The following RAD51B variants were observed in gnomAD, a reference collection of about 807,000 sequenced individuals.
RAD51B encodes the protein DNA repair protein RAD51 homolog 2.
Under a neutral mutation model 42.2 loss-of-function variants are expected in RAD51B, and 38 were observed. That is an observed-to-expected ratio of 0.90 (90% CI 0.70 to 1.18). RAD51B has a LOEUF of 1.18. Ranked by LOEUF, RAD51B falls within the 50% of genes most tolerant of loss-of-function variation. The pLI is 0.00. For missense variants in RAD51B, 373 were observed against 400.7 expected (o/e 0.93, Z 0.59); for synonymous variants, 154 against 145.2 (o/e 1.06, Z -0.43).
intron 9 of RAD51B, among the ~76,000 whole-genome samples, chr14:68,428,064 TG>T (rs2084897408): frequency 6.6e-6 from 1 of 152,154 alleles, no homozygotes; most frequent in Non-Finnish European, 1.5e-5. Flanking sequence ...CCTTCCACCA[TG>T]GGATGATGCA....
Position 68,087,962 on chromosome 14 carries a change from ATT to A in RAD51B, c.756+200760_756+200761del, listed in dbSNP as rs1566634575. On this transcript the variant is annotated intron_variant, in intron 7 of 10. Transcript: ENST00000471583. Reference sequence around the variant, plus strand: ...ATTTATTATTATATATAATTATATAATTTATTATTATATATAATTATATAATA... The same window carrying A: ...ATTTATTATTATATATAATTATATAATATTATTATATATAATTATATAATA... 4.0e-3 allele frequency among the ~76,000 whole-genome samples: 453 copies of A among 112,924 alleles called. 8 individuals carry two copies. Among genetic ancestry groups the A allele is most frequent in the African/African-American group, 0.019 (434 of 22,444 alleles). 74.1% of individuals were successfully genotyped at this position (112,924 alleles called of 152,430 possible). A position where few individuals can be genotyped will look rare whatever the true frequency, so the allele number is the denominator to read the frequency against.
intron 8 of RAD51B, among the ~76,000 whole-genome samples, chr14:68,344,499 T>A (rs932904090): frequency 7.9e-5 from 12 of 151,756 alleles, no homozygotes; most frequent in African/African-American, 2.7e-4. Context: ...TACAAAAAAT[T>A]AGCACGGCGT....
At chr14:68,469,808 AG>A (rs761598653) in intron 10 of RAD51B, among the ~76,000 whole-genome samples, 2 of 152,338 alleles carry the variant, frequency 1.3e-5, no homozygotes, top group South Asian at 2.1e-4. Flanking sequence ...GGAGGAAAAA[AG>A]TTTGTTCTGC....
chr14:68,468,619 C>T, intron 10 of RAD51B: 1 of 347,044 alleles, frequency 2.9e-6, no homozygotes, highest in South Asian at 2.3e-5. Context: ...CAGTGCTGCC[C>T]CAGAGCCTTC....
intron 7 of RAD51B, among the ~76,000 whole-genome samples, chr14:68,016,251 C>A (rs2075776249): frequency 6.6e-6 from 1 of 152,096 alleles, no homozygotes; most frequent in African/African-American, 2.4e-5. Flanking sequence ...ATATATAACT[C>A]ACCAACTGAC....
chr14:68,674,280 A>G (rs1389146709), intron 11 of RAD51B, among the ~76,000 whole-genome samples: 2 of 152,142 alleles, frequency 1.3e-5, no homozygotes, highest in Non-Finnish European at 2.9e-5. Flanking sequence ...ACATTTACGT[A>G]TATACTTACA....
intron 8 of RAD51B, among the ~76,000 whole-genome samples, chr14:68,384,850 C>CG (rs2083559126): frequency 6.6e-6 from 1 of 152,148 alleles, no homozygotes; most frequent in South Asian, 2.1e-4. Flanking sequence ...CCAAAGCTGT[C>CG]ACCTCCCCAC....
chr14:68,102,179 C>G lies in RAD51B; in HGVS notation c.757-189705C>G, dbSNP rs377456432. Among the ~76,000 whole-genome samples, 7 of 152,154 alleles carry G rather than the reference C, an allele frequency of 4.6e-5. No individual in the cohort carries two copies. The East Asian group carries it at 9.6e-4, about 21-fold the overall frequency. On this transcript the variant is annotated intron_variant, in intron 7 of 10. Transcript: ENST00000471583. ...GCTTGGTCCACAAAACCATTTTTCC[C>G]TCCTAGGCCTCTGGGCCTGTGATGG...
chr14:68,492,442 TG>T (rs1884152108), intron 10 of RAD51B, among the ~76,000 whole-genome samples: 1 of 152,208 alleles, frequency 6.6e-6, no homozygotes, highest in South Asian at 2.1e-4. Flanking sequence ...ATAAATAGGT[TG>T]GATCTTTCTT....
chr14:68,332,761 C>A (rs1171686938), intron 8 of RAD51B, among the ~76,000 whole-genome samples: 2 of 113,522 alleles, frequency 1.8e-5, no homozygotes, highest in African/African-American at 3.1e-5. Context: ...AAATAAATAT[C>A]TTTTTCTTAT....
At chr14:68,427,013 T>C (rs924566397) in intron 9 of RAD51B, among the ~76,000 whole-genome samples, 2 of 152,224 alleles carry the variant, frequency 1.3e-5, no homozygotes, top group African/African-American at 4.8e-5. Flanking sequence ...GTGTGACTCA[T>C]GTTGCCACTC....
intron 7 of RAD51B, among the ~76,000 whole-genome samples, chr14:68,235,476 G>A (rs1441436134): frequency 6.6e-5 from 10 of 151,462 alleles, no homozygotes; most frequent in African/African-American, 2.2e-4. Context: ...AGGCCGAGGC[G>A]GGCGGATCAC....
intron 8 of RAD51B, among the ~76,000 whole-genome samples, chr14:68,358,850 A>G (rs1818346386): frequency 6.6e-6 from 1 of 152,220 alleles, no homozygotes; most frequent in South Asian, 2.1e-4. Flanking sequence ...TATTTTAAGA[A>G]TAGCTTGTTT....
intron 10 of RAD51B, among the ~76,000 whole-genome samples, chr14:68,525,841 A>T (rs1451339468): frequency 1.3e-5 from 2 of 152,216 alleles, no homozygotes; most frequent in African/African-American, 2.4e-5. Context: ...GAACCATGAC[A>T]TGCCAAGTGC....
chr14:68,330,867 GA>G (rs1474172492), intron 8 of RAD51B, among the ~76,000 whole-genome samples: 1 of 152,146 alleles, frequency 6.6e-6, no homozygotes, highest in African/African-American at 2.4e-5. Flanking sequence ...AGTGTGTTTG[GA>G]GGGGTAGAAT....
chr14:67,908,292 A>G (rs1229492723), intron 7 of RAD51B: 1 of 152,212 alleles, frequency 6.6e-6, no homozygotes, highest in Admixed American at 6.5e-5. Flanking sequence ...GGACTGAGGT[A>G]TGGGCTTTGA....
intron 10 of RAD51B, among the ~76,000 whole-genome samples, chr14:68,618,787 C>T (rs1432550441): frequency 6.6e-6 from 1 of 152,180 alleles, no homozygotes; most frequent in Non-Finnish European, 1.5e-5. Flanking sequence ...AACTCAAATT[C>T]AGGAGGCTGT....
At chr14:68,179,046 T>C (rs972903597) in intron 7 of RAD51B, among the ~76,000 whole-genome samples, 3 of 152,194 alleles carry the variant, frequency 2.0e-5, no homozygotes, top group Non-Finnish European at 4.4e-5. Flanking sequence ...CATTTTGATA[T>C]AGAGGCAGGT....
Position 67,873,177 on chromosome 14 carries a change from C to T in RAD51B, c.452+8038C>T, listed in dbSNP as rs565964206. Among the ~76,000 whole-genome samples the T allele has an allele frequency of 2.1e-4, 32 of 152,190 alleles. No individual in the cohort carries two copies. The East Asian group carries it at 4.1e-3, about 19-fold the overall frequency. ...AACCTAAAAAATGGGAGAAAATTTT[C>T]GCAACCTACTCGTCTGACAAAGGGC... On this transcript the variant is annotated intron_variant, in intron 5 of 10. Coordinates refer to ENST00000471583, the MANE Select transcript of RAD51B (RefSeq NM_133510.4).
Sources: allele counts gnomAD v4.1 joint callset (sites outside exome capture counted in the v4.1 genomes callset), GRCh38; gene constraint gnomAD v4.1.1; transcripts MANE v1.5; gene names NCBI Gene and HGNC (gene_info 2026-07-23, HGNC 2026-07-21).